Variants in ATP6V1B2 observed in about 807,000 individuals in gnomAD.
ATP6V1B2 encodes the protein ATPase H+ transporting V1 subunit B2.
ATP6V1B2 carries 23 observed loss-of-function variants against 66.7 expected under a neutral mutation model. The ratio of observed to expected loss-of-function variants is 0.34; its 90% CI spans 0.25 to 0.49. ATP6V1B2 has a LOEUF of 0.49. Ranked by LOEUF, ATP6V1B2 falls within the 20% of genes least tolerant of loss-of-function variation. The probability of loss-of-function intolerance (pLI) is 0.99; values close to 1 mark genes in which losing one functional copy is unlikely to be tolerated. For synonymous variants in ATP6V1B2, 278 were observed against 236.7 expected (o/e 1.17, Z -1.60); for missense variants, 478 against 650.8 (o/e 0.73, Z 2.89).
At position 20,218,056 on chromosome 8, in the gene ATP6V1B2, T is replaced by C. The variant is rs963854174; in HGVS notation, c.1267-97T>C. 26 of 1,437,996 alleles carry C rather than the reference T, an allele frequency of 1.8e-5. No individual in the cohort carries two copies. The East Asian group carries it at 5.5e-4, about 31-fold the overall frequency. The allele number at this position is 1,437,996 out of a possible 1,614,324, so 89.1% of individuals were successfully genotyped here. ...GTTTTTGTAAATTCCTTCTATGGGC[T>C]CTTGTGAGGAGAACTAGAGCAGTAC... On this transcript the variant is annotated intron_variant, in intron 12 of 13. Transcript: ENST00000276390.
chr8:20,212,672 T>A, intron 8 of ATP6V1B2, 110 bp from the exon 9 acceptor site: 11 of 1,455,444 alleles, frequency 7.6e-6, no homozygotes, highest in Non-Finnish European at 1.0e-5. Flanking sequence ...CCTCAATTCA[T>A]TTAAAACTTT....
At chr8:20,211,011 A>G (rs2128885744) in intron 5 of ATP6V1B2, among the ~76,000 whole-genome samples, 166 bp from the exon 6 acceptor site, 1 of 152,206 alleles carries the variant, frequency 6.6e-6, no homozygotes, top group African/African-American at 2.4e-5. Flanking sequence ...AATTATTTCA[A>G]GTTTCATATT....
Position 20,211,645 on chromosome 8 carries a change from T to A in ATP6V1B2, c.604-7T>A. ...TTTCAACTGAATTCTTCTACTTTGTTCATCAGATTGCAGCTCAGATCTGTC... is the reference window on the plus strand; with the variant it reads ...TTTCAACTGAATTCTTCTACTTTGTACATCAGATTGCAGCTCAGATCTGTC... On this transcript the variant is annotated splice_polypyrimidine_tract_variant and splice_region_variant and intron_variant, in intron 6 of 13. Transcript: ENST00000276390. 3.7e-6 allele frequency: 6 copies of A among 1,602,474 alleles called. No homozygotes were observed. The highest frequency in any genetic ancestry group is 5.1e-6 in the Non-Finnish European group (6 of 1,176,536).
At chr8:20,209,406 A>G (rs773388976) in intron 2 of ATP6V1B2, 27 bp from the exon 3 acceptor site, 5 of 1,603,448 alleles carry the variant, frequency 3.1e-6, no homozygotes, top group African/African-American at 1.3e-5. Context: ...AATGTCGGAT[A>G]TTGATCCTTT....
chr8:20,206,018 T>A (rs1054557250), intron 2 of ATP6V1B2, among the ~76,000 whole-genome samples: 3 of 152,210 alleles, frequency 2.0e-5, no homozygotes, highest in Admixed American at 2.0e-4. Flanking sequence ...ATGAAATTAC[T>A]CATTTTTTAA....
At chr8:20,212,732 C>T (rs779279836) in intron 8 of ATP6V1B2, 50 bp from the exon 9 acceptor site, 1 of 1,583,002 alleles carries the variant, frequency 6.3e-7, no homozygotes, top group South Asian at 1.2e-5. Context: ...TTTGTGTTTT[C>T]TTTTTGGTCT....
At chr8:20,218,550 C>T (rs1563818621) in intron 13 of ATP6V1B2, among the ~76,000 whole-genome samples, 1 of 152,098 alleles carries the variant, frequency 6.6e-6, no homozygotes, top group Non-Finnish European at 1.5e-5. Context: ...TTCCCAGCCC[C>T]TCTGCGGTAC....
chr8:20,215,033 C>G, intron 10 of ATP6V1B2, 65 bp downstream of exon 10: 1 of 1,479,132 alleles, frequency 6.8e-7, no homozygotes, highest in Non-Finnish European at 9.1e-7. Context: ...ACCCATCTAC[C>G]TTTTCGAGTT....
At position 20,220,885 on chromosome 8, in the gene ATP6V1B2, G is replaced by C. The variant is rs1298428980; in HGVS notation, c.*483G>C. On this transcript the variant is annotated 3_prime_UTR_variant, in exon 14 of 14. Transcript: ENST00000276390. ...GGTTTGTTGGTATGCCTGTATTGCT[G>C]GGCTGTGCTGCTGCTCGAAGCAGAT... The C allele has an allele frequency of 6.5e-6, 1 of 152,800 alleles. No homozygotes were observed. Among genetic ancestry groups the C allele is most frequent in the Non-Finnish European group, 1.5e-5 (1 of 68,512 alleles). 9.5% of individuals were successfully genotyped at this position (152,800 alleles called of 1,614,324 possible).
intron 5 of ATP6V1B2, 143 bp downstream of exon 5, chr8:20,210,789 T>C (rs910057248): frequency 2.4e-6 from 1 of 409,924 alleles, no homozygotes; most frequent in African/African-American, 2.1e-5. Context: ...TATTTTATTA[T>C]TTAATTATAT....
At chr8:20,214,578 T>C (rs767743590) in intron 9 of ATP6V1B2, 2 of 329,250 alleles carry the variant, frequency 6.1e-6, no homozygotes, top group Non-Finnish European at 1.1e-5. Flanking sequence ...TTTGAAAACT[T>C]ACATTATGGC....
rs1444980215 is a variant in ATP6V1B2 at position 20,217,146 on chromosome 8, A to G, written c.1162-74A>G. 11 of 1,229,138 alleles carry G rather than the reference A, an allele frequency of 8.9e-6. No homozygotes were observed. The East Asian group carries it at 1.2e-4, about 13-fold the overall frequency. 76.1% of individuals were successfully genotyped at this position (1,229,138 alleles called of 1,614,324 possible). A position where few individuals can be genotyped will look rare whatever the true frequency, so the allele number is the denominator to read the frequency against. ...TTTAAGTTGTAATAATGAGTTTCAA[A>G]TGTTTTTTTATTACCAGTAAAACTT... On this transcript the variant is annotated intron_variant, in intron 11 of 13. Coordinates refer to ENST00000276390, the MANE Select transcript of ATP6V1B2 (RefSeq NM_001693.4).
Position 20,214,717 on chromosome 8 carries a change from G to T in ATP6V1B2, c.928-101G>T, listed in dbSNP as rs141672765. 322 of 1,297,170 alleles carry T rather than the reference G, an allele frequency of 2.5e-4. 1 individual carries two copies. In the African/African-American group the frequency reaches 4.3e-3, roughly 17 times the overall value. The allele number at this position is 1,297,170 out of a possible 1,614,324, so 80.4% of individuals were successfully genotyped here. On this transcript the variant is annotated intron_variant, in intron 9 of 13. Transcript: ENST00000276390. Reference sequence around the variant, plus strand: ...GGACAGTATTTAAAATGAACATGATGGGATTTTCAACTTTGTACTTTGGCA... The same window carrying T: ...GGACAGTATTTAAAATGAACATGATTGGATTTTCAACTTTGTACTTTGGCA...
At chr8:20,201,902 A>G (rs2072691482) in intron 1 of ATP6V1B2, among the ~76,000 whole-genome samples, 1 of 152,180 alleles carries the variant, frequency 6.6e-6, no homozygotes, top group Non-Finnish European at 1.5e-5. Context: ...GGTTCAGGGC[A>G]TCACATGGTG....
In ATP6V1B2 at chr8:20,220,354, T is replaced by C. The variant is rs367692386; in HGVS notation, c.1488T>C (p.Pro496=). The part of the protein sequence containing the change: ...IFPKEMLKRI[P]QSTLSEFYPR... ...CCAAAGAAATGCTGAAGAGAATCCC[T>C]CAGAGCACCCTCAGCGAATTTTACC... The change falls in exon 14 of 14, where the codon CCT becomes CCC. Residue 496 remains proline (P), a synonymous_variant. Transcript: ENST00000276390. 3.8e-6 allele frequency: 6 copies of C among 1,597,042 alleles called. No individual in the cohort carries two copies. The African/African-American group carries it at 8.1e-5, about 22-fold the overall frequency.
intron 2 of ATP6V1B2, 116 bp downstream of exon 2, chr8:20,204,655 C>CA: frequency 1.2e-6 from 1 of 833,344 alleles, no homozygotes; most frequent in Non-Finnish European, 1.8e-6. Flanking sequence ...GACTGGGTGT[C>CA]AGTCAGTCTA....
At chr8:20,208,494 AAATGTCATGTT>A (rs2072759967) in intron 2 of ATP6V1B2, among the ~76,000 whole-genome samples, 1 of 152,218 alleles carries the variant, frequency 6.6e-6, no homozygotes, top group Admixed American at 6.5e-5. Context: ...TTAACATGCC[AAATGTCATGTT>A]AATATCAGGT....
At chr8:20,215,025 C>G in intron 10 of ATP6V1B2, 57 bp downstream of exon 10, 1 of 1,506,462 alleles carries the variant, frequency 6.6e-7, no homozygotes, top group Non-Finnish European at 9.0e-7. Flanking sequence ...GAGAGAAGAC[C>G]CATCTACCTT....
At chr8:20,211,610 T>G (rs1470530072) in intron 6 of ATP6V1B2, 42 bp from the exon 7 acceptor site, 3 of 1,551,138 alleles carry the variant, frequency 1.9e-6, no homozygotes, top group Non-Finnish European at 1.7e-6. Flanking sequence ...TGTAGAAATG[T>G]TATTTTAGAT....
Sources: allele counts gnomAD v4.1 joint callset (sites outside exome capture counted in the v4.1 genomes callset), GRCh38; gene constraint gnomAD v4.1.1; transcripts MANE v1.5; gene names NCBI Gene and HGNC (gene_info 2026-07-23, HGNC 2026-07-21).